The following CDH13 variants were observed in gnomAD, a reference collection of about 807,000 sequenced individuals.
CDH13 encodes cadherin-13.
Under a neutral mutation model 63.8 loss-of-function variants are expected in CDH13, and 24 were observed. The ratio of observed to expected loss-of-function variants is 0.38; its 90% CI spans 0.27 to 0.53. CDH13 has a LOEUF of 0.53. CDH13 is among the 20% of genes least tolerant of loss of function. The pLI, the probability that CDH13 is intolerant of heterozygous loss-of-function variation, is 0.85. For missense variants in CDH13, 1,049 were observed against 903.1 expected, an observed-to-expected ratio of 1.16 and a Z score of -2.07; for synonymous variants, 503 against 355.3, an observed-to-expected ratio of 1.42 and a Z score of -4.67.
At chr16:83,548,761 C>T (rs2075435415) in intron 7 of CDH13, among the ~76,000 whole-genome samples, 1 of 152,098 alleles carries the variant, frequency 6.6e-6, no homozygotes, top group Non-Finnish European at 1.5e-5. Context: ...TTCCAGCCAC[C>T]TTACCCTTGA....
chr16:83,635,659 CTT>C (rs1911194784), intron 8 of CDH13, among the ~76,000 whole-genome samples: 1 of 152,082 alleles, frequency 6.6e-6, no homozygotes, highest in Non-Finnish European at 1.5e-5. Flanking sequence ...CTAACAGAAT[CTT>C]TTAATGTTTG....
At chr16:83,465,894 G>T (rs1162265943) in intron 6 of CDH13, among the ~76,000 whole-genome samples, 1 of 152,202 alleles carries the variant, frequency 6.6e-6, no homozygotes, top group Non-Finnish European at 1.5e-5. Flanking sequence ...AATCACTGGT[G>T]GTGTTCTCTT....
chr16:83,428,954 G>T (rs964282011), intron 6 of CDH13, among the ~76,000 whole-genome samples: 3 of 152,112 alleles, frequency 2.0e-5, no homozygotes, highest in African/African-American at 7.2e-5. Context: ...GGGTTTGTTC[G>T]GTCATCACTT....
intron 6 of CDH13, among the ~76,000 whole-genome samples, chr16:83,419,306 C>G (rs1027317733): frequency 1.3e-5 from 2 of 152,116 alleles, no homozygotes; most frequent in Non-Finnish European, 2.9e-5. Flanking sequence ...ACAAGGTATG[C>G]TGAATAATTG....
At chr16:82,631,769 G>A (rs537311909) in intron 1 of CDH13, among the ~76,000 whole-genome samples, 30 of 152,312 alleles carry the variant, frequency 2.0e-4, no homozygotes, top group South Asian at 1.9e-3. Flanking sequence ...GAGAGAGGCA[G>A]CTTGGGGGAA....
At chr16:82,979,564 T>G (rs2151383333) in intron 2 of CDH13, among the ~76,000 whole-genome samples, 1 of 152,304 alleles carries the variant, frequency 6.6e-6, no homozygotes, top group Admixed American at 6.5e-5. Context: ...TGCTCAGCAC[T>G]TCTCCTGGAT....
At chr16:83,382,016 A>G (rs891374912) in intron 6 of CDH13, among the ~76,000 whole-genome samples, 6 of 152,126 alleles carry the variant, frequency 3.9e-5, no homozygotes, top group Non-Finnish European at 7.4e-5. Context: ...CTCCCTTATG[A>G]CCTAACGGCT....
At chr16:83,739,130 A>T (rs1044296271) in intron 10 of CDH13, among the ~76,000 whole-genome samples, 1 of 152,138 alleles carries the variant, frequency 6.6e-6, no homozygotes, top group African/African-American at 2.4e-5. Context: ...CTCTTAGCTG[A>T]TAAGAGTGAC....
At position 82,677,084 on chromosome 16, in the gene CDH13, A is replaced by G. The variant is rs1307060522; in HGVS notation, c.45+49947A>G. ...TTTTTAGTAGAGACGGGGTTTCGCCATGTTGGCCAGGATGATCTTGATCTC... is the reference window on the plus strand; with the variant it reads ...TTTTTAGTAGAGACGGGGTTTCGCCGTGTTGGCCAGGATGATCTTGATCTC... On this transcript the variant is annotated intron_variant, in intron 1 of 13. Coordinates refer to ENST00000567109, the MANE Select transcript of CDH13 (RefSeq NM_001257.5). Among the ~76,000 whole-genome samples the G allele has an allele frequency of 3.3e-5, 5 of 152,158 alleles. No individual in the cohort carries two copies. In the East Asian group the frequency reaches 9.6e-4, roughly 29 times the overall value.
At chr16:83,658,300 C>G (rs560867867) in intron 8 of CDH13, among the ~76,000 whole-genome samples, 1 of 109,292 alleles carries the variant, frequency 9.1e-6, no homozygotes, top group South Asian at 4.4e-4. Flanking sequence ...CATGTCCTCA[C>G]CACCAGGTCC....
chr16:83,669,923 T>C (rs1440401504), intron 8 of CDH13, among the ~76,000 whole-genome samples: 2 of 152,234 alleles, frequency 1.3e-5, no homozygotes, highest in African/African-American at 4.8e-5. Context: ...ACCAAAACAA[T>C]ACTTTATGCT....
intron 7 of CDH13, among the ~76,000 whole-genome samples, chr16:83,515,210 T>C (rs544262952): frequency 5.9e-5 from 9 of 152,304 alleles, no homozygotes; most frequent in African/African-American, 2.2e-4. Context: ...CTCAGCTGGG[T>C]GGTGGGATTG....
At position 83,474,550 on chromosome 16, in the gene CDH13, C is replaced by T. The variant is rs532963360; in HGVS notation, c.782-11927C>T. Among the ~76,000 whole-genome samples the T allele has an allele frequency of 1.9e-3, 291 of 152,282 alleles. 1 individual carries two copies. Among genetic ancestry groups the T allele is most frequent in the African/African-American group, 6.7e-3 (279 of 41,546 alleles). ...GGCCATGTTTGCTCAACCTCATTCT[C>T]ATGTACGGCCCACATCTGGTGGGTC... On this transcript the variant is annotated intron_variant, in intron 6 of 13. Coordinates refer to ENST00000567109, the MANE Select transcript of CDH13 (RefSeq NM_001257.5).
intron 5 of CDH13, among the ~76,000 whole-genome samples, chr16:83,329,400 ATTTT>A (rs202092421): frequency 1.1e-4 from 15 of 139,412 alleles, no homozygotes; most frequent in Admixed American, 1.4e-4. Context: ...TAATTTTTGT[ATTTT>A]TTTTTTTTTT....
At chr16:83,381,315 T>G (rs573693802) in intron 6 of CDH13, among the ~76,000 whole-genome samples, 1 of 152,236 alleles carries the variant, frequency 6.6e-6, no homozygotes, top group African/African-American at 2.4e-5. Context: ...GGACTCCCCC[T>G]TTCCCTGCCC....
intron 1 of CDH13, among the ~76,000 whole-genome samples, chr16:82,701,790 G>A (rs949555789): frequency 2.0e-5 from 3 of 152,018 alleles, no homozygotes; most frequent in African/African-American, 7.3e-5. Flanking sequence ...CATGTCACGT[G>A]CCCATCCTTC....
intron 2 of CDH13, among the ~76,000 whole-genome samples, chr16:83,017,306 C>G (rs115925094): frequency 6.6e-6 from 1 of 152,194 alleles, no homozygotes; most frequent in Non-Finnish European, 1.5e-5. Context: ...CAAGATTCTA[C>G]TCAATTCCAT....
At chr16:83,015,010 T>C (rs1020441824) in intron 2 of CDH13, among the ~76,000 whole-genome samples, 1 of 150,760 alleles carries the variant, frequency 6.6e-6, no homozygotes, top group Non-Finnish European at 1.5e-5. Flanking sequence ...TAAGAGATAA[T>C]ATGCAGTCAT....
chr16:83,427,749 G>C (rs1246483271), intron 6 of CDH13, among the ~76,000 whole-genome samples: 1 of 152,172 alleles, frequency 6.6e-6, no homozygotes, highest in Non-Finnish European at 1.5e-5. Flanking sequence ...CTGCTGTCCT[G>C]TTCCACCATT....
Sources: allele counts gnomAD v4.1 joint callset (sites outside exome capture counted in the v4.1 genomes callset), GRCh38; gene constraint gnomAD v4.1.1; transcripts MANE v1.5; gene names NCBI Gene and HGNC (gene_info 2026-07-23, HGNC 2026-07-21).